RUNX1T1: variants seen among roughly 807,000 people sequenced by gnomAD.
The protein encoded by RUNX1T1 is protein CBFA2T1.
Under a neutral mutation model 62.8 loss-of-function variants are expected in RUNX1T1, and 4 were observed. That is an observed-to-expected ratio of 0.06 (90% CI 0.03 to 0.15). The LOEUF is 0.15. RUNX1T1 is among the 10% of genes least tolerant of loss of function. The probability of loss-of-function intolerance (pLI) is 1.00; values close to 1 mark genes in which losing one functional copy is unlikely to be tolerated. For synonymous variants in RUNX1T1, 291 were observed against 286.0 expected, an observed-to-expected ratio of 1.02 and a Z score of -0.18; for missense variants, 508 against 754.3, an observed-to-expected ratio of 0.67 and a Z score of 3.82.
intron 1 of RUNX1T1, among the ~76,000 whole-genome samples, chr8:92,086,853 A>G (rs1044525162): frequency 6.6e-6 from 1 of 152,034 alleles, no homozygotes; most frequent in African/African-American, 2.4e-5. Flanking sequence ...CACAAACCCA[A>G]CGCTGGTCAT....
chr8:92,076,748 C>T (rs1322237769), intron 1 of RUNX1T1, among the ~76,000 whole-genome samples: 1 of 151,996 alleles, frequency 6.6e-6, no homozygotes, highest in East Asian at 1.9e-4. Context: ...AACTTCTACA[C>T]CTTTTCTTCC....
chr8:92,095,563 GA>G, intron 1 of RUNX1T1: 1 of 1,451,008 alleles, frequency 6.9e-7, no homozygotes, highest in Non-Finnish European at 9.0e-7. Flanking sequence ...ATGGAGGCAG[GA>G]AAATAAACAG....
chr8:92,011,115 A>T, intron 3 of RUNX1T1, 24 bp from the exon 5 acceptor site: 1 of 1,266,124 alleles, frequency 7.9e-7, no homozygotes, highest in Non-Finnish European at 1.2e-6. Flanking sequence ...TATGTAGTAT[A>T]AATACATTAG....
chr8:92,066,339 T>G (rs1010151463), upstream of RUNX1T1, among the ~76,000 whole-genome samples: 18 of 152,210 alleles, frequency 1.2e-4, no homozygotes, highest in African/African-American at 4.3e-4. Flanking sequence ...TTCAGACCAC[T>G]GGCCACCAAA....
intron 8 of RUNX1T1, chr8:91,980,001 G>T (rs1814865564): frequency 6.7e-6 from 2 of 297,106 alleles, no homozygotes; most frequent in Non-Finnish European, 1.4e-5. Flanking sequence ...GAAAGAAAGA[G>T]TTAAGTAATT....
At chr8:92,068,985 A>AATC (rs1345989328) in intron 2 of RUNX1T1, among the ~76,000 whole-genome samples, 1 of 152,170 alleles carries the variant, frequency 6.6e-6, no homozygotes, top group Non-Finnish European at 1.5e-5. Context: ...TTATAGTAAT[A>AATC]ATCATCATCA....
At chr8:91,987,288 T>G (rs978506433) in intron 6 of RUNX1T1, among the ~76,000 whole-genome samples, 4 of 152,178 alleles carry the variant, frequency 2.6e-5, no homozygotes, top group African/African-American at 9.6e-5. Context: ...ATATTCTAAC[T>G]CTTAATAAAT....
intron 10 of RUNX1T1, among the ~76,000 whole-genome samples, chr8:91,967,546 T>A (rs1811906604): frequency 6.6e-6 from 1 of 152,188 alleles, no homozygotes; most frequent in African/African-American, 2.4e-5. Flanking sequence ...ATGAGCATCA[T>A]TAGCTCCGTT....
intron 2 of RUNX1T1, among the ~76,000 whole-genome samples, chr8:92,074,710 C>T (rs1834169753): frequency 6.6e-6 from 1 of 152,144 alleles, no homozygotes; most frequent in Non-Finnish European, 1.5e-5. Context: ...TGTTTAGTAA[C>T]AACAGTGCAT....
intron 9 of RUNX1T1, among the ~76,000 whole-genome samples, chr8:91,975,656 T>C (rs966400961): frequency 6.6e-6 from 1 of 152,162 alleles, no homozygotes; most frequent in Non-Finnish European, 1.5e-5. Flanking sequence ...ATAATGGAAA[T>C]ATTGCCAGCT....
intron 2 of RUNX1T1, among the ~76,000 whole-genome samples, chr8:92,015,347 G>C (rs1243718350): frequency 3.3e-5 from 5 of 152,140 alleles, no homozygotes. Context: ...CAATTAGAAG[G>C]CTATTTTCTC....
At chr8:92,084,922 G>A (rs1201202295) in intron 1 of RUNX1T1, among the ~76,000 whole-genome samples, 2 of 152,200 alleles carry the variant, frequency 1.3e-5, no homozygotes, top group Non-Finnish European at 2.9e-5. Flanking sequence ...GCTGAATGAA[G>A]AAGCAGCCAA....
intron 1 of RUNX1T1, among the ~76,000 whole-genome samples, chr8:92,027,692 C>T (rs1276403425): frequency 6.6e-6 from 1 of 152,122 alleles, no homozygotes; most frequent in Non-Finnish European, 1.5e-5. Flanking sequence ...ATGAGCCAGT[C>T]AGCAGCTGGC....
intron 1 of RUNX1T1, among the ~76,000 whole-genome samples, chr8:92,089,912 C>G (rs1384119124): frequency 2.8e-5 from 4 of 145,166 alleles, no homozygotes; most frequent in Non-Finnish European, 6.0e-5. Context: ...TCACCCACCC[C>G]AATCCCTGAA....
At chr8:92,010,286 C>T (rs932908538) in intron 4 of RUNX1T1, 1 of 152,280 alleles carries the variant, frequency 6.6e-6, no homozygotes, top group Admixed American at 6.5e-5. Flanking sequence ...ATTGAGAATC[C>T]ACTATGCCCA....
At chr8:92,078,529 C>T (rs990593194) in intron 1 of RUNX1T1, among the ~76,000 whole-genome samples, 1 of 152,072 alleles carries the variant, frequency 6.6e-6, no homozygotes, top group African/African-American at 2.4e-5. Context: ...CAGAATGCCT[C>T]AAACAATTTG....
At chr8:92,073,467 A>G (rs1259644721) in intron 2 of RUNX1T1, among the ~76,000 whole-genome samples, 6 of 152,116 alleles carry the variant, frequency 3.9e-5, no homozygotes, top group Admixed American at 3.9e-4. Flanking sequence ...GCGCCACCTC[A>G]GGCCATTCTC....
At chr8:92,079,854 C>T (rs1422976816) in intron 1 of RUNX1T1, among the ~76,000 whole-genome samples, 1 of 152,148 alleles carries the variant, frequency 6.6e-6, no homozygotes, top group Non-Finnish European at 1.5e-5. Flanking sequence ...CGTTCACTGA[C>T]TTCACGGCCC....
chr8:92,009,710 C>G (rs984511586), intron 4 of RUNX1T1: 11 of 151,286 alleles, frequency 7.3e-5, no homozygotes, highest in Admixed American at 7.3e-4. Context: ...GGCAAAGATT[C>G]TAGTCTCAAC....
Sources: gnomAD v4.1 joint callset for allele counts (sites outside exome capture counted in the v4.1 genomes callset) on GRCh38, gnomAD v4.1.1 for gene constraint, MANE v1.5 for transcripts, NCBI Gene and HGNC (gene_info 2026-07-23, HGNC 2026-07-21) for gene names.